AFF3: variants seen among roughly 807,000 people sequenced by gnomAD.
AFF3 encodes the protein AF4/FMR2 family member 3.
Under a neutral mutation model 129.7 loss-of-function variants are expected in AFF3, and 32 were observed. The observed-to-expected ratio is 0.25, with a 90% CI of 0.19 to 0.33. AFF3 has a LOEUF of 0.33. AFF3 is among the 10% of genes least tolerant of loss of function. AFF3 has a pLI of 1.00. For missense variants in AFF3, 1,373 were observed against 1,592.0 expected (o/e 0.86, Z 2.34); for synonymous variants, 644 against 635.4 (o/e 1.01, Z -0.20).
intron 2 of AFF3, among the ~76,000 whole-genome samples, chr2:100,120,751 C>T (rs1306555191): frequency 1.3e-5 from 2 of 152,078 alleles, no homozygotes; most frequent in Non-Finnish European, 2.9e-5. Flanking sequence ...GCCTTGAACT[C>T]TTGGGCTCAA....
At chr2:99,964,489 C>G (rs1677540624) in intron 7 of AFF3, among the ~76,000 whole-genome samples, 1 of 152,118 alleles carries the variant, frequency 6.6e-6, no homozygotes, top group Non-Finnish European at 1.5e-5. Flanking sequence ...GAAAATTAAA[C>G]ATTCATTTCT....
At chr2:99,896,482 T>C (rs1345449487) in intron 7 of AFF3, among the ~76,000 whole-genome samples, 2 of 151,988 alleles carry the variant, frequency 1.3e-5, no homozygotes, top group Non-Finnish European at 2.9e-5. Context: ...CCTGGGTCAG[T>C]GCCTGATGCC....
At chr2:99,737,245 A>G (rs1680333835) in intron 10 of AFF3, among the ~76,000 whole-genome samples, 1 of 151,988 alleles carries the variant, frequency 6.6e-6, no homozygotes. Flanking sequence ...ATTTATTTTG[A>G]TTACTTAACA....
rs1484456631 is a variant in AFF3, at chr2:100,118,396, G to C, written c.-145+10828C>G. On this transcript the variant is annotated intron_variant, in intron 2 of 24. Transcript: ENST00000672756. ...CCTAGAAGCAGTGCAATTTTAGGCA[G>C]CTTACTTAAACTTTCTAATTACCAC... is the stretch of plus-strand genomic sequence containing the variant. Among the ~76,000 whole-genome samples, 2 of 152,096 alleles carry C rather than the reference G, an allele frequency of 1.3e-5. 1 individual carries two copies. Among genetic ancestry groups the C allele is most frequent in the East Asian group, 3.9e-4 (2 of 5,184 alleles).
At chr2:99,688,483 G>A (rs1675287824) in intron 11 of AFF3, among the ~76,000 whole-genome samples, 1 of 152,150 alleles carries the variant, frequency 6.6e-6, no homozygotes, top group African/African-American at 2.4e-5. Context: ...AACTACTGGG[G>A]GCATTCAATT....
intron 7 of AFF3, among the ~76,000 whole-genome samples, chr2:100,005,478 A>G (rs1681885573): frequency 6.6e-6 from 1 of 152,216 alleles, no homozygotes; most frequent in African/African-American, 2.4e-5. Context: ...TGACGAATCA[A>G]ACAGCCTGAT....
At chr2:99,893,509 T>C (rs1693722960) in intron 7 of AFF3, among the ~76,000 whole-genome samples, 1 of 152,204 alleles carries the variant, frequency 6.6e-6, no homozygotes. Flanking sequence ...ATGAGTGTCC[T>C]TGTAAGAAGA....
At chr2:100,114,870 G>A (rs1553523330) in intron 2 of AFF3, among the ~76,000 whole-genome samples, 1 of 152,224 alleles carries the variant, frequency 6.6e-6, no homozygotes, top group Non-Finnish European at 1.5e-5. Context: ...GTTCCTGATT[G>A]TATTGATAAT....
intron 7 of AFF3, among the ~76,000 whole-genome samples, chr2:99,939,698 G>A (rs1243118286): frequency 1.3e-5 from 2 of 152,168 alleles, no homozygotes; most frequent in African/African-American, 4.8e-5. Flanking sequence ...TGTATATGGC[G>A]ATTTCCAAAA....
intron 4 of AFF3, among the ~76,000 whole-genome samples, chr2:100,033,816 C>G (rs1415448834): frequency 1.3e-5 from 2 of 152,130 alleles, no homozygotes; most frequent in African/African-American, 4.8e-5. Context: ...ATAAGAACCT[C>G]TGCAACAGCT....
intron 4 of AFF3, among the ~76,000 whole-genome samples, chr2:100,051,303 G>A (rs376329782): frequency 1.5e-4 from 23 of 152,132 alleles, no homozygotes; most frequent in African/African-American, 5.3e-4. Context: ...TGGAGAATAC[G>A]AGCTGAGCCC....
chr2:99,548,808 T>A lies in AFF3; in HGVS notation c.*2666A>T. The A allele has an allele frequency of 4.3e-6, 1 of 232,678 alleles. No individual in the cohort carries two copies. The highest frequency in any genetic ancestry group is 6.1e-5 in the East Asian group (1 of 16,506). The allele number at this position is 232,678 out of a possible 1,614,324, so 14.4% of individuals were successfully genotyped here. On this transcript the variant is annotated 3_prime_UTR_variant, in exon 25 of 25. Coordinates refer to ENST00000672756, the MANE Select transcript of AFF3 (RefSeq NM_001386135.1). ...CTAAGTAAAAGGAACAAGTTATGAA[T>A]GACTTTCACAAGCAACAATTGGAGG...
rs375010369 is a variant in AFF3, at chr2:100,061,250, C to T, written c.53+43152G>A. On this transcript the variant is annotated intron_variant, in intron 4 of 24. Coordinates refer to ENST00000672756, the MANE Select transcript of AFF3 (RefSeq NM_001386135.1). ...CATGCTGTAGGAATGAGGAGTTAAG[C>T]TCCATCTCCTTAATGGGGAGTAACT... 1.2e-4 allele frequency among the ~76,000 whole-genome samples: 19 copies of T among 152,266 alleles called. No individual in the cohort carries two copies. In the East Asian group the frequency reaches 2.9e-3, roughly 23 times the overall value.
chr2:99,663,337 C>G (rs182423734), intron 12 of AFF3, among the ~76,000 whole-genome samples: 1 of 152,294 alleles, frequency 6.6e-6, no homozygotes, highest in African/African-American at 2.4e-5. Flanking sequence ...CCAAAGGAAA[C>G]AGCAATAAGA....
chr2:99,826,943 G>T lies in AFF3; in HGVS notation c.921+10534C>A, dbSNP rs543374777. On this transcript the variant is annotated intron_variant, in intron 8 of 24. Coordinates refer to ENST00000672756, the MANE Select transcript of AFF3 (RefSeq NM_001386135.1). ...ACAAGGAGATAGCTGGAGGTAAAGA[G>T]AAGTGGACCCACCGGAGGGAGACAG... 9.2e-5 allele frequency among the ~76,000 whole-genome samples: 14 copies of T among 152,196 alleles called. 1 individual carries two copies. The East Asian group carries it at 2.5e-3, about 27-fold the overall frequency.
At position 99,568,904 on chromosome 2, in the gene AFF3, G is replaced by A. The variant is rs763452432; in HGVS notation, c.2930C>T (p.Ala977Val). The A allele has an allele frequency of 4.3e-6, 7 of 1,614,032 alleles. No individual in the cohort carries two copies. The Admixed American group carries it at 1.2e-4, about 27-fold the overall frequency. ...TTTAGCTTCTTGCATAAAATAATCG[G>A]CACTGCGAGGCCTACAAGGAGAGAA... is the stretch of plus-strand genomic sequence containing the variant. ...KLVFDDMPRSADYFMQEAKRM... is the reference protein window; with the variant it reads ...KLVFDDMPRSVDYFMQEAKRM... Residue 977 changes from alanine to valine, a missense_variant, in exon 19 of 25, where the codon GCC becomes GTC. Physicochemically the swap from Ala to Val is moderately conservative, Grantham distance 64 (BLOSUM62 0). Coordinates refer to ENST00000672756, the MANE Select transcript of AFF3 (RefSeq NM_001386135.1).
chr2:99,794,326 A>T (rs1276883624), intron 8 of AFF3, among the ~76,000 whole-genome samples: 1 of 152,204 alleles, frequency 6.6e-6, no homozygotes, highest in Non-Finnish European at 1.5e-5. Context: ...TTACTTGTGT[A>T]TCAAAGCTTA....
chr2:99,722,472 C>T (rs902825871), intron 11 of AFF3, among the ~76,000 whole-genome samples: 8 of 152,118 alleles, frequency 5.3e-5, no homozygotes, highest in South Asian at 2.1e-4. Context: ...GGATCTGTTT[C>T]GGTTTTGCCC....
chr2:99,914,846 G>T (rs1262930420), intron 7 of AFF3, among the ~76,000 whole-genome samples: 1 of 152,030 alleles, frequency 6.6e-6, no homozygotes, highest in East Asian at 1.9e-4. Flanking sequence ...CTTGAACCCA[G>T]GAGCTGAGAT....
Sources: allele counts gnomAD v4.1 joint callset (sites outside exome capture counted in the v4.1 genomes callset), GRCh38; gene constraint gnomAD v4.1.1; transcripts MANE v1.5; gene names NCBI Gene and HGNC (gene_info 2026-07-23, HGNC 2026-07-21).